RIMS1: variants seen among roughly 807,000 people sequenced by gnomAD.
The protein encoded by RIMS1 is regulating synaptic membrane exocytosis protein 1.
Under a neutral mutation model 214.1 loss-of-function variants are expected in RIMS1, and 83 were observed. The ratio of observed to expected loss-of-function variants is 0.39; its 90% CI spans 0.32 to 0.47. RIMS1 has a LOEUF of 0.47. RIMS1 is among the 20% of genes least tolerant of loss of function. The pLI is 0.99. For synonymous variants in RIMS1, 793 were observed against 786.8 expected (o/e 1.01, Z -0.13); for missense variants, 2,050 against 2,161.8 (o/e 0.95, Z 1.03).
rs537174254 is a variant in RIMS1, at chr6:72,180,472, G to T, written c.812+557G>T. On this transcript the variant is annotated intron_variant, in intron 5 of 33. Coordinates refer to ENST00000521978, the MANE Select transcript of RIMS1 (RefSeq NM_014989.7). The stretch of plus-strand genomic sequence containing the variant: ...ATAGCTGCTGGCTACAGTGCAAGTA[G>T]CAGAGGCAATGTGGAGGAGAAAAGG... Among the ~76,000 whole-genome samples, 32 of 152,328 alleles carry T rather than the reference G, an allele frequency of 2.1e-4. 1 individual carries two copies. The highest frequency in any genetic ancestry group is 7.7e-4 in the East Asian group (4 of 5,180).
rs183868326 is a variant in RIMS1 at position 72,245,977 on chromosome 6, T to C, written c.2128+116T>C. 1.5e-3 allele frequency: 1,024 copies of C among 688,136 alleles called. 3 individuals are homozygous for C. Among genetic ancestry groups the C allele is most frequent in the Non-Finnish European group, 8.2e-4 (327 of 398,998 alleles). 42.6% of individuals were successfully genotyped at this position (688,136 alleles called of 1,614,324 possible). On this transcript the variant is annotated intron_variant, in intron 11 of 33. Transcript: ENST00000521978. Reference sequence around the variant, plus strand: ...TTGGGGTTACTATACTAAAGATGTCTCCATTGGTACTAGATGTTGGCAATG... The same window carrying C: ...TTGGGGTTACTATACTAAAGATGTCCCCATTGGTACTAGATGTTGGCAATG...
At chr6:72,192,672 C>T (rs2349096) in intron 6 of RIMS1, among the ~76,000 whole-genome samples, 6,456 of 152,228 alleles carry the variant, frequency 0.042, 482 homozygotes, top group African/African-American at 0.15. Context: ...GCTGCTTTGC[C>T]TCTGCTGTCC....
intron 26 of RIMS1, among the ~76,000 whole-genome samples, chr6:72,294,649 T>C (rs2093859973): frequency 6.6e-6 from 1 of 151,748 alleles, no homozygotes. Context: ...CTGGAAGTAT[T>C]TTTTTTCTTA....
At chr6:72,185,660 C>T (rs1433058522) in intron 6 of RIMS1, among the ~76,000 whole-genome samples, 4 of 152,164 alleles carry the variant, frequency 2.6e-5, no homozygotes, top group Non-Finnish European at 4.4e-5. Flanking sequence ...CCACATGGAT[C>T]CTTCTATGAT....
rs531888651 is a variant in RIMS1 at position 71,962,939 on chromosome 6, A to T, written c.165-6044A>T. On this transcript the variant is annotated intron_variant, in intron 1 of 33. Transcript: ENST00000521978. ...TTGCCATTGGTCTTAAGGTCACTTT[A>T]CACTTCTAGTTTAGCCAGCTCAATA... is the stretch of plus-strand genomic sequence containing the variant. Among the ~76,000 whole-genome samples, 130 of 146,208 alleles carry T rather than the reference A, an allele frequency of 8.9e-4. 1 individual carries two copies. The highest frequency in any genetic ancestry group is 5.4e-3 in the South Asian group (26 of 4,816).
chr6:72,112,744 C>G (rs1016515075), intron 4 of RIMS1, among the ~76,000 whole-genome samples: 1 of 152,162 alleles, frequency 6.6e-6, no homozygotes, highest in Non-Finnish European at 1.5e-5. Context: ...AACCATAGAA[C>G]ATCCTTTCTT....
chr6:71,980,043 G>A (rs528765036), intron 2 of RIMS1, among the ~76,000 whole-genome samples: 1 of 152,246 alleles, frequency 6.6e-6, no homozygotes, highest in East Asian at 1.9e-4. Flanking sequence ...TCAGGGCTCA[G>A]CCTGGTTACT....
At position 72,245,826 on chromosome 6, in the gene RIMS1, G is replaced by A. The variant is rs746162365; in HGVS notation, c.2093G>A (p.Arg698Gln). Residue 698 changes from arginine to glutamine, a missense_variant, in exon 11 of 34, where the codon CGG becomes CAG. This residue lies in a region of RIMS1 where 111 missense variants were observed against 166.2 expected (regional missense o/e 0.67). Coordinates refer to ENST00000521978, the MANE Select transcript of RIMS1 (RefSeq NM_014989.7). ...IVSRPIGDIP[R>Q]IPESSHPPLE... is the part of the protein sequence containing the mutation. ...CCTGTTTCTTTTAGTGACATTCCCC[G>A]GATTCCTGAGAGCTCCCACCCTCCA... The A allele has an allele frequency of 1.6e-5, 25 of 1,609,648 alleles. No individual in the cohort carries two copies. The highest frequency in any genetic ancestry group is 3.3e-5 in the South Asian group (3 of 90,984).
chr6:71,962,283 A>T (rs913884034), intron 1 of RIMS1, among the ~76,000 whole-genome samples: 4 of 152,144 alleles, frequency 2.6e-5, no homozygotes, highest in Non-Finnish European at 1.5e-5. Context: ...GTTTATTATC[A>T]CTTTTATTTT....
intron 31 of RIMS1, among the ~76,000 whole-genome samples, chr6:72,396,076 AT>A (rs994195813): frequency 1.3e-5 from 2 of 151,186 alleles, no homozygotes; most frequent in South Asian, 2.1e-4. Context: ...ACCAAATGGG[AT>A]TTTTTTTTCA....
In RIMS1 at chr6:72,128,407, A is replaced by T. The variant is rs1054889079; in HGVS notation, c.471+28421A>T. On this transcript the variant is annotated intron_variant, in intron 4 of 33. Transcript: ENST00000521978. ...CCCTCCCCGCTTCTTGTCCTTTTTT[A>T]AAAAAAAATTGTATTTGCCCCCTTT... Among the ~76,000 whole-genome samples, 7 of 134,358 alleles carry T rather than the reference A, an allele frequency of 5.2e-5. No homozygotes were observed. In the East Asian group the frequency reaches 5.9e-4, roughly 11 times the overall value. The allele number at this position is 134,358 out of a possible 152,430, so 88.1% of individuals were successfully genotyped here.
In RIMS1 at chr6:72,150,195, C is replaced by CAA. The variant is rs11423317; in HGVS notation, c.472-29371_472-29370dup. Reference sequence around the variant, plus strand: ...GCATGCTGATTGGTTTGTGAGTATGCAAAAAAAAAAGGCTAAAAAAAGGCC... The same window carrying CAA: ...GCATGCTGATTGGTTTGTGAGTATGCAAAAAAAAAAAAGGCTAAAAAAAGGCC... On this transcript the variant is annotated intron_variant, in intron 4 of 33. Coordinates refer to ENST00000521978, the MANE Select transcript of RIMS1 (RefSeq NM_014989.7). 9.1e-4 allele frequency among the ~76,000 whole-genome samples: 131 copies of CAA among 144,510 alleles called. 2 individuals are homozygous for CAA. The highest frequency in any genetic ancestry group is 2.2e-3 in the African/African-American group (83 of 38,530). The allele number at this position is 144,510 out of a possible 152,430, so 94.8% of individuals were successfully genotyped here.
intron 2 of RIMS1, among the ~76,000 whole-genome samples, chr6:72,070,626 G>A (rs773625332): frequency 6.6e-6 from 1 of 152,116 alleles, no homozygotes; most frequent in Non-Finnish European, 1.5e-5. Flanking sequence ...CGTAAGAGAC[G>A]TCCAGGGAGT....
intron 4 of RIMS1, among the ~76,000 whole-genome samples, chr6:72,173,003 T>G (rs530587459): frequency 2.0e-4 from 31 of 152,316 alleles, no homozygotes; most frequent in African/African-American, 7.0e-4. Context: ...CTTGGTAGAT[T>G]TTGTTTTGCT....
Position 72,248,099 on chromosome 6 carries a change from C to A in RIMS1, c.2213C>A (p.Ala738Asp). ...ACAAGTCCTGGAGCTCTAAAAGATG[C>A]CCCACAAGTCTTACCAGGGCAACTT... ...SPTSPGALKD[A>D]PQVLPGQLSV... The change falls in exon 12 of 34, where the codon GCC (alanine) becomes GAC (aspartate). Residue 738 changes from alanine (A) to aspartate (D), a missense_variant. Coordinates refer to ENST00000521978, the MANE Select transcript of RIMS1 (RefSeq NM_014989.7). 1 of 1,612,034 alleles carries A rather than the reference C, an allele frequency of 6.2e-7. No homozygotes were observed. Among genetic ancestry groups the A allele is most frequent in the Non-Finnish European group, 8.5e-7 (1 of 1,178,730 alleles).
At chr6:72,360,151 G>C (rs1468306672) in intron 29 of RIMS1, among the ~76,000 whole-genome samples, 1 of 152,150 alleles carries the variant, frequency 6.6e-6, no homozygotes, top group African/African-American at 2.4e-5. Flanking sequence ...ACTAGTTTCT[G>C]CTTACTCACT....
Position 72,178,757 on chromosome 6 carries a change from G to A in RIMS1, c.472-818G>A, listed in dbSNP as rs191258551. Among the ~76,000 whole-genome samples the A allele has an allele frequency of 1.4e-4, 22 of 152,206 alleles. No individual in the cohort carries two copies. In the East Asian group the frequency reaches 2.1e-3, roughly 15 times the overall value. On this transcript the variant is annotated intron_variant, in intron 4 of 33. Transcript: ENST00000521978. ...ATTATTATTTTTTATTATGATAATC[G>A]TCCTCATTATTACATTCATTTTAAA...
At chr6:72,024,420 C>G (rs1289553888) in intron 2 of RIMS1, among the ~76,000 whole-genome samples, 1 of 152,066 alleles carries the variant, frequency 6.6e-6, no homozygotes, top group Non-Finnish European at 1.5e-5. Context: ...AGATGCCAAT[C>G]CTGACCTCAT....
chr6:72,292,009 C>G lies in RIMS1; in HGVS notation c.3813C>G (p.Leu1271=). The G allele has an allele frequency of 6.4e-7, 1 of 1,560,550 alleles. No homozygotes were observed. ...TSFSSRRGRQ[L]PQVPVRSGSI... ...TCAGCAGTCGCAGGGGAAGACAGCT[C>G]CCACAAGTGCCAGTGAGAAGCGGCA... is the stretch of plus-strand genomic sequence containing the variant. Residue 1271 remains leucine (L), a synonymous_variant, in exon 26 of 34, where the codon CTC becomes CTG. Transcript: ENST00000521978.
Sources: allele counts gnomAD v4.1 joint callset (sites outside exome capture counted in the v4.1 genomes callset), GRCh38; gene constraint gnomAD v4.1.1; regional missense constraint gnomAD v4.1.1; transcripts MANE v1.5; gene names NCBI Gene and HGNC (gene_info 2026-07-23, HGNC 2026-07-21).